KCNMB2: variants seen among roughly 807,000 people sequenced by gnomAD.
The protein encoded by KCNMB2 is calcium-activated potassium channel subunit beta-2.
KCNMB2 carries 9 observed loss-of-function variants against 24.5 expected under a neutral mutation model. That is an observed-to-expected ratio of 0.37 (90% confidence interval 0.22 to 0.64). KCNMB2 has a LOEUF of 0.64. KCNMB2 is among the 30% of genes least tolerant of loss of function. The pLI is 0.63. For missense variants in KCNMB2, 226 were observed against 284.3 expected, an observed-to-expected ratio of 0.79 and a Z score of 1.47; for synonymous variants, 109 against 104.4, an observed-to-expected ratio of 1.04 and a Z score of -0.27.
chr3:178,587,323 G>A (rs918020089), intron 1 of KCNMB2, among the ~76,000 whole-genome samples: 1 of 152,048 alleles, frequency 6.6e-6, no homozygotes, highest in African/African-American at 2.4e-5. Flanking sequence ...CTGACCTAAG[G>A]CCTGGGAAGT....
At chr3:178,692,773 T>C (rs1721728584) in intron 1 of KCNMB2, among the ~76,000 whole-genome samples, 1 of 152,228 alleles carries the variant, frequency 6.6e-6, no homozygotes, top group Admixed American at 6.5e-5. Context: ...TAGATTTTTC[T>C]AGTTATATGA....
chr3:178,693,078 A>G (rs967804478), intron 1 of KCNMB2, among the ~76,000 whole-genome samples: 4 of 152,120 alleles, frequency 2.6e-5, no homozygotes, highest in African/African-American at 9.7e-5. Flanking sequence ...AGAAATGCTC[A>G]TGATTATTGC....
intron 1 of KCNMB2, among the ~76,000 whole-genome samples, chr3:178,781,070 C>G (rs144576952): frequency 6.6e-6 from 1 of 151,922 alleles, no homozygotes; most frequent in Non-Finnish European, 1.5e-5. Flanking sequence ...ACCATTAATT[C>G]TTTTTATTTT....
intron 1 of KCNMB2, among the ~76,000 whole-genome samples, chr3:178,541,063 A>G (rs1416016598): frequency 6.6e-6 from 1 of 152,192 alleles, no homozygotes; most frequent in Middle Eastern, 3.2e-3. Context: ...AAGATTTTCA[A>G]CCTCAGAGTC....
At chr3:178,623,344 A>C (rs1177189581) in intron 1 of KCNMB2, among the ~76,000 whole-genome samples, 1 of 152,190 alleles carries the variant, frequency 6.6e-6, no homozygotes, top group Non-Finnish European at 1.5e-5. Context: ...TTGAAGCATT[A>C]ATTTAGTAGG....
chr3:178,814,560 G>T (rs191588616), intron 2 of KCNMB2, among the ~76,000 whole-genome samples: 120 of 152,264 alleles, frequency 7.9e-4, no homozygotes, highest in African/African-American at 2.8e-3. Flanking sequence ...TCTCCACACT[G>T]CTTTTCATAG....
intron 1 of KCNMB2, among the ~76,000 whole-genome samples, chr3:178,588,146 A>G (rs1033602629): frequency 1.3e-5 from 2 of 152,068 alleles, no homozygotes; most frequent in African/African-American, 4.8e-5. Flanking sequence ...CAGGTAACAG[A>G]GCACCTGTAC....
chr3:178,760,352 ATATATAT>A, intron 1 of KCNMB2, among the ~76,000 whole-genome samples: 1 of 114,856 alleles, frequency 8.7e-6, no homozygotes, highest in East Asian at 2.4e-4. Context: ...TTCGTTACAT[ATATATAT>A]CCATATCCAA....
intron 1 of KCNMB2, among the ~76,000 whole-genome samples, chr3:178,765,706 A>G (rs1712090059): frequency 7.1e-6 from 1 of 140,810 alleles, no homozygotes; most frequent in African/African-American, 2.8e-5. Flanking sequence ...ACAAGACTGA[A>G]ACCCTGTACT....
In KCNMB2 at chr3:178,616,590, CA is replaced by C. The variant is rs375691137; in HGVS notation, c.-68+79881del. ...TTCAGAACTGTTTTTTTCTTTTCTG[CA>C]ATGCCTCTTTCAGTGACACAAAGTT... On this transcript the variant is annotated intron_variant, in intron 1 of 4. Transcript: ENST00000452583. 2.7e-4 allele frequency among the ~76,000 whole-genome samples: 41 copies of C among 152,308 alleles called. 1 individual carries two copies. The South Asian group carries it at 8.3e-3, about 31-fold the overall frequency.
intron 1 of KCNMB2, among the ~76,000 whole-genome samples, chr3:178,599,508 C>T (rs1718001847): frequency 6.6e-6 from 1 of 152,160 alleles, no homozygotes; most frequent in Non-Finnish European, 1.5e-5. Context: ...AATCGCAACA[C>T]ACAATTCCAG....
chr3:178,706,022 A>T (rs1722266430), intron 1 of KCNMB2, among the ~76,000 whole-genome samples: 1 of 152,116 alleles, frequency 6.6e-6, no homozygotes, highest in African/African-American at 2.4e-5. Flanking sequence ...ACACACCTTT[A>T]AATATGTAGG....
At chr3:178,695,594 G>A (rs1721846859) in intron 1 of KCNMB2, among the ~76,000 whole-genome samples, 1 of 151,984 alleles carries the variant, frequency 6.6e-6, no homozygotes, top group Non-Finnish European at 1.5e-5. Flanking sequence ...TAGGTCAGGG[G>A]TAAAAAATCC....
intron 1 of KCNMB2, among the ~76,000 whole-genome samples, chr3:178,717,963 C>T (rs1322653737): frequency 6.6e-6 from 1 of 151,994 alleles, no homozygotes; most frequent in Admixed American, 6.6e-5. Context: ...CCTAAACTCT[C>T]GTCCATTTCT....
At chr3:178,841,853 G>C (rs573786064) in intron 4 of KCNMB2, among the ~76,000 whole-genome samples, 1 of 152,110 alleles carries the variant, frequency 6.6e-6, no homozygotes, top group African/African-American at 2.4e-5. Context: ...AATACAGAGC[G>C]GAGAGACATG....
chr3:178,557,283 T>C (rs756486746), intron 1 of KCNMB2, among the ~76,000 whole-genome samples: 10 of 152,132 alleles, frequency 6.6e-5, no homozygotes, highest in Non-Finnish European at 1.2e-4. Context: ...CCACTATAGA[T>C]GGTTATTTTG....
intron 4 of KCNMB2, among the ~76,000 whole-genome samples, chr3:178,834,391 T>G (rs1424084407): frequency 6.6e-6 from 1 of 152,186 alleles, no homozygotes; most frequent in Non-Finnish European, 1.5e-5. Flanking sequence ...GAGCATCCCC[T>G]TGAGAGAATA....
intron 1 of KCNMB2, among the ~76,000 whole-genome samples, chr3:178,557,257 G>A (rs1577008704): frequency 6.6e-6 from 1 of 152,128 alleles, no homozygotes; most frequent in African/African-American, 2.4e-5. Flanking sequence ...TAGAAGAACT[G>A]GACATTGGAT....
chr3:178,658,891 T>G (rs572304370), intron 1 of KCNMB2, among the ~76,000 whole-genome samples: 1 of 152,348 alleles, frequency 6.6e-6, no homozygotes, highest in Non-Finnish European at 1.5e-5. Context: ...AAGTCTGGCA[T>G]GCACAGTGCT....
Sources: allele counts gnomAD v4.1 joint callset (sites outside exome capture counted in the v4.1 genomes callset), GRCh38; gene constraint gnomAD v4.1.1; transcripts MANE v1.5; gene names NCBI Gene and HGNC (gene_info 2026-07-23, HGNC 2026-07-21).